The following INPP4B variants were observed in gnomAD, a reference collection of about 807,000 sequenced individuals.
INPP4B encodes the protein inositol polyphosphate-4-phosphatase type II B.
Under a neutral mutation model 122.5 loss-of-function variants are expected in INPP4B, and 55 were observed. The ratio of observed to expected loss-of-function variants is 0.45; its 90% CI spans 0.36 to 0.56. The LOEUF (loss-of-function observed/expected upper bound fraction) is 0.56. Among genes scored for constraint, INPP4B ranks in the 20% least tolerant of loss-of-function variants. INPP4B has a pLI of 0.00. For synonymous variants in INPP4B, 403 were observed against 388.7 expected (o/e 1.04, Z -0.43); for missense variants, 1,000 against 1,097.7 (o/e 0.91, Z 1.26).
intron 2 of INPP4B, among the ~76,000 whole-genome samples, chr4:142,537,429 TAGAGAGAGA>T (rs1828386009): frequency 3.9e-5 from 1 of 25,458 alleles, no homozygotes; most frequent in African/African-American, 1.2e-4. Context: ...TATATATATA[TAGAGAGAGA>T]GAGAGAGAGA....
chr4:142,247,941 C>A (rs1242812223), intron 11 of INPP4B, among the ~76,000 whole-genome samples: 1 of 152,056 alleles, frequency 6.6e-6, no homozygotes, highest in Non-Finnish European at 1.5e-5. Context: ...ATAAGATACA[C>A]CTGTTGTTTA....
At chr4:142,373,200 A>G (rs1055937422) in intron 7 of INPP4B, among the ~76,000 whole-genome samples, 60 of 152,144 alleles carry the variant, frequency 3.9e-4, no homozygotes, top group African/African-American at 1.4e-3. Context: ...CTATTTTTGC[A>G]TCTTTATTGA....
intron 7 of INPP4B, among the ~76,000 whole-genome samples, chr4:142,376,676 A>G (rs1468516206): frequency 6.6e-6 from 1 of 152,018 alleles, no homozygotes; most frequent in Non-Finnish European, 1.5e-5. Context: ...CTAAGTGGAA[A>G]TCATCACCCA....
chr4:142,206,578 A>C (rs1274937571), intron 14 of INPP4B, among the ~76,000 whole-genome samples: 2 of 152,000 alleles, frequency 1.3e-5, no homozygotes, highest in Non-Finnish European at 2.9e-5. Flanking sequence ...AGTTTCAGAC[A>C]ATTCTAAAGC....
In INPP4B at chr4:142,295,355, C is replaced by T. The variant is rs374258732; in HGVS notation, c.503+10103G>A. 7.5e-4 allele frequency among the ~76,000 whole-genome samples: 114 copies of T among 152,172 alleles called. 1 individual carries two copies. The South Asian group carries it at 0.022, about 29-fold the overall frequency. On this transcript the variant is annotated intron_variant, in intron 9 of 25. Transcript: ENST00000262992. The stretch of plus-strand genomic sequence containing the variant: ...AATGACTGTGGATGGGGGTATAGCA[C>T]CTGCATGTGGATGGAGGCATGATGT...
intron 2 of INPP4B, among the ~76,000 whole-genome samples, chr4:142,615,999 G>A (rs1743608104): frequency 6.6e-6 from 1 of 152,116 alleles, no homozygotes; most frequent in Non-Finnish European, 1.5e-5. Flanking sequence ...TATGTTTGAG[G>A]CTTAAATAAT....
Position 142,510,485 on chromosome 4 carries a change from T to C in INPP4B, c.-190-47759A>G, listed in dbSNP as rs569251294. 9.8e-5 allele frequency among the ~76,000 whole-genome samples: 15 copies of C among 152,344 alleles called. No homozygotes were observed. In the South Asian group the frequency reaches 2.9e-3, roughly 29 times the overall value. ...TGTGGCACATTGATCTCATTTTATT[T>C]GGCAAATACACAATAAAATAATTAA... On this transcript the variant is annotated intron_variant, in intron 2 of 25. Transcript: ENST00000262992.
At chr4:142,303,094 CAT>C (rs1762087472) in intron 9 of INPP4B, among the ~76,000 whole-genome samples, 1 of 152,030 alleles carries the variant, frequency 6.6e-6, no homozygotes, top group Non-Finnish European at 1.5e-5. Context: ...ATTAGATGCA[CAT>C]GTCTTGTTCC....
chr4:142,109,505 CA>C (rs1455035391), intron 22 of INPP4B, among the ~76,000 whole-genome samples: 1 of 152,098 alleles, frequency 6.6e-6, no homozygotes, highest in Non-Finnish European at 1.5e-5. Flanking sequence ...CAAAGGCTTC[CA>C]AAACCTCTTG....
At chr4:142,249,539 GT>G (rs1451611161) in intron 11 of INPP4B, among the ~76,000 whole-genome samples, 1 of 152,090 alleles carries the variant, frequency 6.6e-6, no homozygotes, top group Non-Finnish European at 1.5e-5. Context: ...CTTTCATGAA[GT>G]GTTTCTAAAA....
At chr4:142,351,309 C>T (rs1421045539) in intron 7 of INPP4B, among the ~76,000 whole-genome samples, 4 of 152,002 alleles carry the variant, frequency 2.6e-5, no homozygotes, top group African/African-American at 9.7e-5. Context: ...GAGCTGGAAG[C>T]TGCATCCTAC....
intron 1 of INPP4B, among the ~76,000 whole-genome samples, chr4:142,744,628 C>T (rs1768409782): frequency 1.3e-5 from 2 of 151,794 alleles, no homozygotes; most frequent in African/African-American, 4.8e-5. Context: ...GAGCCAATAT[C>T]TTTAACATGC....
chr4:142,278,105 C>G (rs1263040175), intron 9 of INPP4B, among the ~76,000 whole-genome samples: 1 of 151,834 alleles, frequency 6.6e-6, no homozygotes, highest in African/African-American at 2.4e-5. Context: ...CCATTGGGTT[C>G]CAGTTGCAGG....
chr4:142,175,361 AT>A (rs113346898), intron 15 of INPP4B, among the ~76,000 whole-genome samples: 50 of 149,866 alleles, frequency 3.3e-4, no homozygotes, highest in South Asian at 1.7e-3. Flanking sequence ...TAAGGAAACA[AT>A]TTTTTTTTTG....
At chr4:142,833,025 GT>G (rs947859853) in intron 1 of INPP4B, among the ~76,000 whole-genome samples, 3 of 151,542 alleles carry the variant, frequency 2.0e-5, no homozygotes, top group Non-Finnish European at 4.4e-5. Flanking sequence ...AATCCATTTG[GT>G]TTTTTTCTTG....
chr4:142,752,039 T>C (rs1769807391), intron 1 of INPP4B, among the ~76,000 whole-genome samples: 1 of 152,078 alleles, frequency 6.6e-6, no homozygotes. Context: ...TATTTTTATC[T>C]AGGGGCCTGC....
At chr4:142,560,780 G>C (rs1730293421) in intron 2 of INPP4B, 1 of 152,218 alleles carries the variant, frequency 6.6e-6, no homozygotes, top group Non-Finnish European at 1.5e-5. Flanking sequence ...TGCCTACCCA[G>C]ATTGAACGTG....
chr4:142,435,483 G>T (rs13145550), intron 3 of INPP4B, among the ~76,000 whole-genome samples: 295 of 142,084 alleles, frequency 2.1e-3, no homozygotes, highest in Non-Finnish European at 3.3e-3. Flanking sequence ...TTTGGGGGAG[G>T]GGGGGTGGGG....
chr4:142,192,214 A>G (rs1247031317), intron 15 of INPP4B, among the ~76,000 whole-genome samples: 1 of 151,454 alleles, frequency 6.6e-6, no homozygotes, highest in Non-Finnish European at 1.5e-5. Flanking sequence ...ATTAGATACT[A>G]CGCTTATTAC....
Sources: allele counts gnomAD v4.1 joint callset (sites outside exome capture counted in the v4.1 genomes callset), GRCh38; gene constraint gnomAD v4.1.1; transcripts MANE v1.5; gene names NCBI Gene and HGNC (gene_info 2026-07-23, HGNC 2026-07-21).